CFAP299: variants seen among roughly 807,000 people sequenced by gnomAD.
CFAP299 encodes cilia and flagella associated protein 299.
Under a neutral mutation model 27.0 loss-of-function variants are expected in CFAP299, and 21 were observed. The observed-to-expected ratio is 0.78, with a 90% CI of 0.55 to 1.12. The LOEUF (loss-of-function observed/expected upper bound fraction) is 1.12. Ranked by LOEUF, CFAP299 falls within the 50% of genes most tolerant of loss-of-function variation. The probability of loss-of-function intolerance (pLI) is 0.00; values close to 1 mark genes in which losing one functional copy is unlikely to be tolerated. For missense variants in CFAP299, 310 were observed against 276.6 expected, an observed-to-expected ratio of 1.12 and a Z score of -0.86; for synonymous variants, 104 against 98.1, an observed-to-expected ratio of 1.06 and a Z score of -0.36.
chr4:80,396,279 T>C (rs1725787543), intron 2 of CFAP299, among the ~76,000 whole-genome samples: 1 of 152,124 alleles, frequency 6.6e-6, no homozygotes, highest in Non-Finnish European at 1.5e-5. Flanking sequence ...ACTCAATAAA[T>C]AATAGGGAGA....
intron 4 of CFAP299, among the ~76,000 whole-genome samples, chr4:80,941,597 C>T (rs1479478124): frequency 6.6e-6 from 1 of 152,176 alleles, no homozygotes; most frequent in Non-Finnish European, 1.5e-5. Flanking sequence ...CATACAGCTA[C>T]AGCTGTATTT....
At chr4:80,500,004 T>C (rs144432257) in intron 2 of CFAP299, among the ~76,000 whole-genome samples, 157 of 152,250 alleles carry the variant, frequency 1.0e-3, no homozygotes, top group African/African-American at 3.4e-3. Flanking sequence ...TGACGGACTT[T>C]AGCATTTTTG....
chr4:80,603,480 G>A (rs756528777), intron 3 of CFAP299, among the ~76,000 whole-genome samples: 12 of 152,128 alleles, frequency 7.9e-5, no homozygotes, highest in Non-Finnish European at 1.6e-4. Flanking sequence ...CTATCGCTGA[G>A]TGCTGAGAGT....
chr4:80,377,994 A>C (rs770240005), intron 2 of CFAP299, among the ~76,000 whole-genome samples: 1 of 152,166 alleles, frequency 6.6e-6, no homozygotes, highest in African/African-American at 2.4e-5. Context: ...CTTATTCACT[A>C]TCACAAGAAT....
chr4:80,867,959 C>T (rs1278989724), intron 3 of CFAP299, among the ~76,000 whole-genome samples: 3 of 151,984 alleles, frequency 2.0e-5, no homozygotes, highest in African/African-American at 7.3e-5. Context: ...CTTTATATAT[C>T]CCACTATAAT....
chr4:80,899,659 G>A (rs1475567532), intron 4 of CFAP299, among the ~76,000 whole-genome samples: 1 of 152,192 alleles, frequency 6.6e-6, no homozygotes, highest in Non-Finnish European at 1.5e-5. Context: ...GAATAAAAGA[G>A]AATGTAGAAG....
intron 2 of CFAP299, among the ~76,000 whole-genome samples, chr4:80,558,670 C>T (rs1321539810): frequency 6.6e-6 from 1 of 150,768 alleles, no homozygotes; most frequent in African/African-American, 2.4e-5. Flanking sequence ...TAGACTATTT[C>T]AGAGCATTGG....
chr4:80,584,443 A>G lies in CFAP299; in HGVS notation c.333+1260A>G, dbSNP rs372189512. Among the ~76,000 whole-genome samples, 92 of 152,138 alleles carry G rather than the reference A, an allele frequency of 6.0e-4. 3 individuals are homozygous for G. The South Asian group carries it at 0.018, about 30-fold the overall frequency. ...AGGTCAAGATGTGGTAATTGAAGAA[A>G]ATACTAGTTAAAAATTAGAGAGGTA... On this transcript the variant is annotated intron_variant, in intron 3 of 5. Coordinates refer to ENST00000358105, the MANE Select transcript of CFAP299 (RefSeq NM_152770.3).
intron 3 of CFAP299, among the ~76,000 whole-genome samples, chr4:80,654,842 A>G (rs1002160184): frequency 5.3e-5 from 8 of 149,548 alleles, no homozygotes; most frequent in Non-Finnish European, 8.9e-5. Context: ...TCAGGCACTA[A>G]TAGCCTCAAG....
chr4:80,725,013 C>T (rs910287513), intron 3 of CFAP299, among the ~76,000 whole-genome samples: 2 of 150,292 alleles, frequency 1.3e-5, no homozygotes, highest in Non-Finnish European at 3.0e-5. Context: ...GGCATGATCT[C>T]AGCTCACTGC....
chr4:80,324,438 GAA>G, the CFAP299 span, among the ~76,000 whole-genome samples: 1 of 152,160 alleles, frequency 6.6e-6, no homozygotes, highest in Non-Finnish European at 1.5e-5. Flanking sequence ...CATAGTAAAA[GAA>G]AAGGGGAAAA....
At chr4:80,490,725 A>G (rs970954928) in intron 2 of CFAP299, among the ~76,000 whole-genome samples, 1 of 152,192 alleles carries the variant, frequency 6.6e-6, no homozygotes, top group Non-Finnish European at 1.5e-5. Context: ...AAACACATAT[A>G]TTTGGCTTTT....
chr4:80,345,218 C>T (rs889640377), intron 1 of CFAP299, among the ~76,000 whole-genome samples: 1 of 152,110 alleles, frequency 6.6e-6, no homozygotes, highest in Non-Finnish European at 1.5e-5. Flanking sequence ...TTGCAGATGA[C>T]ATGATCCTAT....
chr4:80,428,366 C>T (rs1312936506), intron 2 of CFAP299, among the ~76,000 whole-genome samples: 2 of 152,140 alleles, frequency 1.3e-5, no homozygotes, highest in African/African-American at 4.8e-5. Context: ...TATTCTTTAT[C>T]TGTAGTAATC....
chr4:80,875,665 A>G (rs769017875), intron 4 of CFAP299, among the ~76,000 whole-genome samples: 6 of 112,608 alleles, frequency 5.3e-5, no homozygotes, highest in Non-Finnish European at 8.4e-5. Context: ...ACTCTGTCTC[A>G]AAAAAAAAAA....
intron 1 of CFAP299, among the ~76,000 whole-genome samples, chr4:80,351,720 A>G (rs1443342942): frequency 4.0e-5 from 6 of 151,652 alleles, no homozygotes; most frequent in African/African-American, 1.2e-4. Flanking sequence ...CCCACCTTAA[A>G]TATAAATACA....
chr4:80,921,869 G>A (rs1736062968), intron 4 of CFAP299, among the ~76,000 whole-genome samples: 1 of 151,906 alleles, frequency 6.6e-6, no homozygotes, highest in South Asian at 2.1e-4. Flanking sequence ...ATCTGGTGGT[G>A]AATGAATGAA....
chr4:80,459,402 C>A (rs190835496), intron 2 of CFAP299, among the ~76,000 whole-genome samples: 401 of 152,304 alleles, frequency 2.6e-3, no homozygotes, highest in South Asian at 0.018. Context: ...CGGAAGTATG[C>A]CAACATGTAA....
At chr4:80,491,484 G>A (rs1005416095) in intron 2 of CFAP299, among the ~76,000 whole-genome samples, 8 of 151,962 alleles carry the variant, frequency 5.3e-5, no homozygotes, top group African/African-American at 1.5e-4. Context: ...TAATATAGCC[G>A]ATTTCTTTCT....
Sources: gnomAD v4.1 joint callset for allele counts (sites outside exome capture counted in the v4.1 genomes callset) on GRCh38, gnomAD v4.1.1 for gene constraint, MANE v1.5 for transcripts, NCBI Gene and HGNC (gene_info 2026-07-23, HGNC 2026-07-21) for gene names.